EYS: variants seen among roughly 807,000 people sequenced by gnomAD.
The protein encoded by EYS is protein eyes shut homolog.
A neutral mutation model predicts 282.1 loss-of-function variants in EYS; 250 were observed. That is an observed-to-expected ratio of 0.89 (90% confidence interval 0.80 to 0.98). EYS has a LOEUF of 0.98. EYS is among the 50% of genes least tolerant of loss of function. EYS has a pLI of 0.00. For missense variants in EYS, 4,016 were observed against 3,709.0 expected, an observed-to-expected ratio of 1.08 and a Z score of -2.15; for synonymous variants, 1,355 against 1,282.9, an observed-to-expected ratio of 1.06 and a Z score of -1.20.
At chr6:64,129,474 G>T (rs981977931) in intron 31 of EYS, among the ~76,000 whole-genome samples, 1 of 152,098 alleles carries the variant, frequency 6.6e-6, no homozygotes, top group Non-Finnish European at 1.5e-5. Context: ...TTTTGATGGG[G>T]TTCTTTGTTT....
intron 26 of EYS, among the ~76,000 whole-genome samples, chr6:64,548,002 C>G (rs1764937364): frequency 6.6e-6 from 1 of 152,226 alleles, no homozygotes; most frequent in African/African-American, 2.4e-5. Context: ...CCATGCCCAC[C>G]CAGAACTCGT....
chr6:64,619,095 G>A (rs1767365643), intron 23 of EYS, among the ~76,000 whole-genome samples: 1 of 152,146 alleles, frequency 6.6e-6, no homozygotes, highest in Admixed American at 6.6e-5. Context: ...GGAGTGGGAT[G>A]TCCCTGGAGG....
rs140587803 is a variant in EYS, at chr6:64,230,330, A to G, written c.6424+262T>C. On this transcript the variant is annotated intron_variant, in intron 31 of 42. Transcript: ENST00000503581. ...TAGAAGTAACTACATAAAAAACACT[A>G]TGTTTGAATTTTAACTTCTATTTTA... Among the ~76,000 whole-genome samples the G allele has an allele frequency of 3.0e-3, 464 of 152,316 alleles. 2 individuals are homozygous for G. The highest frequency in any genetic ancestry group is 5.4e-3 in the Non-Finnish European group (369 of 68,024).
At chr6:64,005,662 G>T (rs1452406297) in intron 33 of EYS, among the ~76,000 whole-genome samples, 1 of 152,148 alleles carries the variant, frequency 6.6e-6, no homozygotes, top group African/African-American at 2.4e-5. Flanking sequence ...GTAAGAAAGG[G>T]CTGTAGTTTC....
At position 64,591,828 on chromosome 6, in the gene EYS, A is replaced by G. The variant is rs727503923; in HGVS notation, c.4039T>C (p.Ser1347Pro). The stretch of plus-strand genomic sequence containing the variant: ...ATACCAAAATTCAGGAATCGAGAAG[A>G]GGAAACATCTGCGGAAGAAAGAAGA... Reference protein sequence around the residue: ...HSLLSSADVSSSRFLNFGIRD... With the variant: ...HSLLSSADVSPSRFLNFGIRD... The change falls in exon 26 of 43, where the codon TCT becomes CCT. Residue 1347 changes from serine (S) to proline (P), a missense_variant. By Grantham distance (74) the Ser-to-Pro change is moderately conservative. Transcript: ENST00000503581. 1 of 1,551,302 alleles carries G rather than the reference A, an allele frequency of 6.4e-7. No individual in the cohort carries two copies. Among genetic ancestry groups the G allele is most frequent in the Non-Finnish European group, 8.7e-7 (1 of 1,146,720 alleles).
At chr6:64,745,720 G>A (rs780148988) in intron 22 of EYS, among the ~76,000 whole-genome samples, 1 of 152,166 alleles carries the variant, frequency 6.6e-6, no homozygotes, top group African/African-American at 2.4e-5. Flanking sequence ...AATCCAGAAG[G>A]GGAAAATTTC....
intron 22 of EYS, among the ~76,000 whole-genome samples, chr6:64,680,579 A>T (rs1769863564): frequency 6.6e-6 from 1 of 152,236 alleles, no homozygotes; most frequent in South Asian, 2.1e-4. Context: ...ACCAGCATTT[A>T]TCTGCTTAAA....
chr6:64,665,771 T>G (rs1362770943), intron 22 of EYS, among the ~76,000 whole-genome samples: 2 of 152,212 alleles, frequency 1.3e-5, no homozygotes, highest in African/African-American at 4.8e-5. Flanking sequence ...GAGAAAGCTA[T>G]GCTCTTACTG....
rs1561995048 is a variant in EYS, at chr6:63,723,076, TAAAG to T, written c.8234-1283_8234-1280del. On this transcript the variant is annotated intron_variant, in intron 42 of 42. Coordinates refer to ENST00000503581, the MANE Select transcript of EYS (RefSeq NM_001142800.2). ...AAATAGATGCTAAATAATTATTAAA[TAAAG>T]AAATACGTTTGTAGGGTTGTGGGTT... 4.6e-5 allele frequency among the ~76,000 whole-genome samples: 7 copies of T among 152,228 alleles called. No homozygotes were observed. The South Asian group carries it at 1.4e-3, about 32-fold the overall frequency.
intron 30 of EYS, among the ~76,000 whole-genome samples, chr6:64,282,834 T>C (rs1338854785): frequency 6.6e-6 from 1 of 152,228 alleles, no homozygotes; most frequent in Non-Finnish European, 1.5e-5. Flanking sequence ...CAAAAGATAC[T>C]ATGAATCTGA....
chr6:65,544,331 T>A (rs1267519023), intron 2 of EYS, among the ~76,000 whole-genome samples: 1 of 152,190 alleles, frequency 6.6e-6, no homozygotes, highest in Non-Finnish European at 1.5e-5. Flanking sequence ...AATAGTTGCA[T>A]CTGGCCGGTA....
At chr6:64,343,806 C>A (rs961663652) in intron 29 of EYS, among the ~76,000 whole-genome samples, 4 of 152,000 alleles carry the variant, frequency 2.6e-5, no homozygotes, top group Non-Finnish European at 5.9e-5. Context: ...TGATAGACTG[C>A]TAGCCAGACT....
intron 14 of EYS, among the ~76,000 whole-genome samples, chr6:64,978,654 T>C (rs1770552011): frequency 6.6e-6 from 1 of 151,934 alleles, no homozygotes; most frequent in South Asian, 2.1e-4. Flanking sequence ...TAAAAATCCT[T>C]CTGGAAAAGA....
chr6:65,539,069 G>A (rs904072530), intron 2 of EYS, among the ~76,000 whole-genome samples: 6 of 152,118 alleles, frequency 3.9e-5, no homozygotes, highest in African/African-American at 1.4e-4. Context: ...TATTTAAAGT[G>A]TTTATTATTT....
intron 29 of EYS, among the ~76,000 whole-genome samples, chr6:64,370,644 T>C (rs938298130): frequency 3.9e-5 from 6 of 152,144 alleles, no homozygotes; most frequent in Non-Finnish European, 4.4e-5. Flanking sequence ...TAAATTCATC[T>C]GGTCCTGGGT....
chr6:64,148,251 C>G (rs1389175248), intron 31 of EYS, among the ~76,000 whole-genome samples: 1 of 151,478 alleles, frequency 6.6e-6, no homozygotes, highest in Non-Finnish European at 1.5e-5. Context: ...AGATATGTTA[C>G]AGCAACTAAA....
chr6:65,592,581 C>T (rs1765267538), intron 2 of EYS, among the ~76,000 whole-genome samples: 1 of 151,894 alleles, frequency 6.6e-6, no homozygotes, highest in African/African-American at 2.4e-5. Context: ...CTCACAACCA[C>T]CCAGAGGGGT....
chr6:65,355,307 A>G (rs1395237166), intron 8 of EYS, among the ~76,000 whole-genome samples: 1 of 27,520 alleles, frequency 3.6e-5, no homozygotes, highest in Non-Finnish European at 1.6e-4. Flanking sequence ...AGAAATCACC[A>G]CTAAAGACTT....
chr6:63,801,016 C>A (rs319919), intron 37 of EYS, among the ~76,000 whole-genome samples: 117,965 of 152,052 alleles, frequency 0.78, 46,841 homozygotes, highest in African/African-American at 0.94. Context: ...GGAATGAAAC[C>A]AAAGGAGATT....
Sources: allele counts gnomAD v4.1 joint callset (sites outside exome capture counted in the v4.1 genomes callset), GRCh38; gene constraint gnomAD v4.1.1; transcripts MANE v1.5; gene names NCBI Gene and HGNC (gene_info 2026-07-23, HGNC 2026-07-21).